The following ZSWIM6 variants were observed in gnomAD, a reference collection of about 807,000 sequenced individuals.
The protein encoded by ZSWIM6 is zinc finger SWIM-type containing 6, also known as zinc finger SWIM domain-containing protein 6.
Under a neutral mutation model 113.2 loss-of-function variants are expected in ZSWIM6, and 9 were observed. The observed-to-expected ratio is 0.08, with a 90% CI of 0.05 to 0.14. ZSWIM6 has a LOEUF of 0.14. Among genes scored for constraint, ZSWIM6 ranks in the 10% least tolerant of loss-of-function variants. The pLI is 1.00. For missense variants in ZSWIM6, 1,162 were observed against 1,552.2 expected (o/e 0.75, Z 4.22); for synonymous variants, 611 against 606.5 (o/e 1.01, Z -0.11).
chr5:61,353,744 A>C (rs530674944), intron 1 of ZSWIM6, among the ~76,000 whole-genome samples: 2 of 152,256 alleles, frequency 1.3e-5, no homozygotes, highest in African/African-American at 4.8e-5. Context: ...AATTTCAGTC[A>C]CAACATTTAG....
At chr5:61,467,456 T>A (rs747459376) in intron 1 of ZSWIM6, among the ~76,000 whole-genome samples, 3 of 152,168 alleles carry the variant, frequency 2.0e-5, no homozygotes, top group Non-Finnish European at 4.4e-5. Flanking sequence ...CATTACACAT[T>A]GCGTACTAAT....
intron 1 of ZSWIM6, among the ~76,000 whole-genome samples, chr5:61,334,209 C>T (rs1236625775): frequency 6.6e-6 from 1 of 152,202 alleles, no homozygotes; most frequent in East Asian, 1.9e-4. Flanking sequence ...AAAAGTGTCT[C>T]CTGTTCCCCC....
At chr5:61,368,759 C>T (rs919295046) in intron 1 of ZSWIM6, among the ~76,000 whole-genome samples, 2 of 152,142 alleles carry the variant, frequency 1.3e-5, no homozygotes, top group Non-Finnish European at 2.9e-5. Flanking sequence ...ACATTGCTTG[C>T]ACAAGAAGCA....
At chr5:61,490,756 G>A (rs1748156810) in intron 2 of ZSWIM6, 30 bp from the exon 3 acceptor site, 2 of 1,541,084 alleles carry the variant, frequency 1.3e-6, no homozygotes, top group Non-Finnish European at 1.8e-6. Flanking sequence ...TATCTAGCCT[G>A]TGTGTTATTA....
intron 1 of ZSWIM6, among the ~76,000 whole-genome samples, chr5:61,403,399 A>T (rs1745978029): frequency 6.6e-6 from 1 of 152,262 alleles, no homozygotes; most frequent in South Asian, 2.1e-4. Flanking sequence ...TTTCTAAACC[A>T]TGTGACCTGT....
chr5:61,538,821 G>C lies in ZSWIM6; in HGVS notation c.2389G>C (p.Val797Leu). 1.9e-6 allele frequency: 3 copies of C among 1,551,356 alleles called. No individual in the cohort carries two copies. In the South Asian group the frequency reaches 3.6e-5, roughly 18 times the overall value. ...CTTGTCTTCTCATTATAGGTTACTA[G>C]TATTGGAATCTACTGCTCCATCAGG... ...KIALRAMRLLVLESTAPSGDL... is the reference protein window; with the variant it reads ...KIALRAMRLLLLESTAPSGDL... The change falls in exon 11 of 14, where the codon GTA becomes CTA. Residue 797 changes from valine (V) to leucine (L), a missense_variant. Physicochemically the swap from Val to Leu is conservative, Grantham distance 32 (BLOSUM62 1). This residue lies in a region of ZSWIM6 where 620 missense variants were observed against 804.6 expected (regional missense o/e 0.77). Coordinates refer to ENST00000252744, the MANE Select transcript of ZSWIM6 (RefSeq NM_020928.2).
intron 4 of ZSWIM6, among the ~76,000 whole-genome samples, 157 bp downstream of exon 4, chr5:61,494,567 A>G (rs1748270527): frequency 6.6e-6 from 1 of 152,234 alleles, no homozygotes; most frequent in South Asian, 2.1e-4. Flanking sequence ...GAGGATTTAG[A>G]ACTTGGGCTG....
chr5:61,407,079 A>G (rs1746058312), intron 1 of ZSWIM6, among the ~76,000 whole-genome samples: 2 of 152,182 alleles, frequency 1.3e-5, no homozygotes, highest in Non-Finnish European at 2.9e-5. Context: ...CAAATCTGAA[A>G]TTTAGTTATT....
chr5:61,525,005 T>C (rs1749239595), intron 5 of ZSWIM6, among the ~76,000 whole-genome samples: 1 of 152,162 alleles, frequency 6.6e-6, no homozygotes, highest in South Asian at 2.1e-4. Context: ...AACATTTCTT[T>C]TCTCCGTCAG....
chr5:61,477,153 G>A (rs890228695), intron 2 of ZSWIM6, among the ~76,000 whole-genome samples: 11 of 152,052 alleles, frequency 7.2e-5, no homozygotes, highest in Admixed American at 2.0e-4. Flanking sequence ...ATCTTCCTAT[G>A]GGCTAGCCTG....
At chr5:61,458,730 T>G (rs1332340316) in intron 1 of ZSWIM6, among the ~76,000 whole-genome samples, 1 of 151,780 alleles carries the variant, frequency 6.6e-6, no homozygotes, top group Non-Finnish European at 1.5e-5. Flanking sequence ...CTACAAAAAT[T>G]AGCTGGGCAT....
At chr5:61,519,010 TAGCC>T (rs1185535171) in intron 4 of ZSWIM6, among the ~76,000 whole-genome samples, 1 of 152,138 alleles carries the variant, frequency 6.6e-6, no homozygotes, top group African/African-American at 2.4e-5. Flanking sequence ...TACATATGGC[TAGCC>T]AGTTTTCCCA....
At chr5:61,371,279 G>C (rs1745256324) in intron 1 of ZSWIM6, among the ~76,000 whole-genome samples, 1 of 151,914 alleles carries the variant, frequency 6.6e-6, no homozygotes, top group Admixed American at 6.6e-5. Flanking sequence ...TCTTAAAATT[G>C]ATGACTTTAT....
At chr5:61,414,339 A>C (rs1015190846) in intron 1 of ZSWIM6, among the ~76,000 whole-genome samples, 1 of 152,092 alleles carries the variant, frequency 6.6e-6, no homozygotes, top group Admixed American at 6.6e-5. Flanking sequence ...TGAGGTTTCT[A>C]TTTTGAGGAT....
chr5:61,336,523 T>C (rs1367943426), intron 1 of ZSWIM6, among the ~76,000 whole-genome samples: 1 of 151,976 alleles, frequency 6.6e-6, no homozygotes, highest in Admixed American at 6.5e-5. Flanking sequence ...TTTGGGAGGC[T>C]GAGGTGGGTG....
chr5:61,425,243 A>G (rs958954084), intron 1 of ZSWIM6, among the ~76,000 whole-genome samples: 13 of 152,320 alleles, frequency 8.5e-5, no homozygotes, highest in African/African-American at 2.9e-4. Flanking sequence ...TTACATCCCA[A>G]TTTCAGAGAG....
At chr5:61,389,671 AAATCTTG>A (rs1211995994) in intron 1 of ZSWIM6, among the ~76,000 whole-genome samples, 2 of 152,184 alleles carry the variant, frequency 1.3e-5, no homozygotes, top group African/African-American at 4.8e-5. Flanking sequence ...GTGGACCAAA[AAATCTTG>A]AATCTCAGAA....
At chr5:61,338,556 T>G (rs1294950524) in intron 1 of ZSWIM6, among the ~76,000 whole-genome samples, 1 of 152,266 alleles carries the variant, frequency 6.6e-6, no homozygotes, top group African/African-American at 2.4e-5. Context: ...GTCCTTAGTG[T>G]TGTTCTGAAG....
intron 12 of ZSWIM6, among the ~76,000 whole-genome samples, chr5:61,540,988 G>C (rs1749719585): frequency 6.9e-6 from 1 of 144,604 alleles, no homozygotes; most frequent in South Asian, 2.2e-4. Flanking sequence ...CTGTCACCCA[G>C]GCTGGAGTGC....
Sources: gnomAD v4.1 joint callset for allele counts (sites outside exome capture counted in the v4.1 genomes callset) on GRCh38, gnomAD v4.1.1 for gene constraint, gnomAD v4.1.1 regional missense constraint, MANE v1.5 for transcripts, NCBI Gene and HGNC (gene_info 2026-07-23, HGNC 2026-07-21) for gene names.